PLCG2: variants seen among roughly 807,000 people sequenced by gnomAD.
The protein encoded by PLCG2 is 1-phosphatidylinositol 4,5-bisphosphate phosphodiesterase gamma-2.
In PLCG2, 69 loss-of-function variants were observed where a neutral mutation model predicts 175.6. The ratio of observed to expected loss-of-function variants is 0.39; its 90% CI spans 0.32 to 0.48. The LOEUF (loss-of-function observed/expected upper bound fraction) is 0.48, where lower values mean the gene tolerates loss of function less well. Ranked by LOEUF, PLCG2 falls within the 20% of genes least tolerant of loss-of-function variation. The probability of loss-of-function intolerance (pLI) is 0.91; values close to 1 mark genes in which losing one functional copy is unlikely to be tolerated. For synonymous variants in PLCG2, 827 were observed against 624.0 expected, an observed-to-expected ratio of 1.33 and a Z score of -4.85; for missense variants, 1,798 against 1,650.9, an observed-to-expected ratio of 1.09 and a Z score of -1.54.
At chr16:81,760,757 A>ATAAT (rs1555562065) in intron 2 of PLCG2, among the ~76,000 whole-genome samples, 1 of 146,344 alleles carries the variant, frequency 6.8e-6, no homozygotes, top group East Asian at 2.0e-4. Flanking sequence ...TTAAAAAAAA[A>ATAAT]AATAATAATA....
At chr16:81,907,843 A>T in intron 16 of PLCG2, 69 bp downstream of exon 16, 1 of 1,098,758 alleles carries the variant, frequency 9.1e-7, no homozygotes, top group Non-Finnish European at 1.4e-6. Flanking sequence ...AGTCCCCGGG[A>T]CCTCCTTCCC....
At chr16:81,924,537 T>C (rs1436634892) in intron 22 of PLCG2, among the ~76,000 whole-genome samples, 3 of 152,246 alleles carry the variant, frequency 2.0e-5, no homozygotes, top group African/African-American at 7.2e-5. Context: ...CAGGGCCACA[T>C]AGCAGGCTGA....
chr16:81,851,977 C>T (rs567156261), intron 2 of PLCG2: 1 of 149,552 alleles, frequency 6.7e-6, no homozygotes, highest in Non-Finnish European at 1.5e-5. Context: ...CGAACCTCTC[C>T]TGTGTTTCAC....
intron 25 of PLCG2, 30 bp from the exon 26 acceptor site, chr16:81,934,399 C>T (rs369948042): frequency 2.0e-5 from 27 of 1,358,424 alleles, no homozygotes; most frequent in South Asian, 5.9e-5. Context: ...TTCTCGGGGG[C>T]GGGCACTAAA....
At chr16:81,751,172 G>C (rs1178431993) in intron 1 of PLCG2, among the ~76,000 whole-genome samples, 1 of 151,088 alleles carries the variant, frequency 6.6e-6, no homozygotes, top group Non-Finnish European at 1.5e-5. Flanking sequence ...GTAGAGATGG[G>C]GTTTCACTAT....
At chr16:81,935,120 C>A (rs1910654058) in intron 26 of PLCG2, among the ~76,000 whole-genome samples, 1 of 152,158 alleles carries the variant, frequency 6.6e-6, no homozygotes, top group Non-Finnish European at 1.5e-5. Flanking sequence ...CTTGCACAGT[C>A]CTGGAGGCCA....
intron 22 of PLCG2, among the ~76,000 whole-genome samples, chr16:81,924,191 T>A (rs1169083468): frequency 1.3e-5 from 2 of 152,198 alleles, no homozygotes; most frequent in African/African-American, 4.8e-5. Flanking sequence ...AGAAGAAAAA[T>A]TCACTGCCCA....
chr16:81,749,301 A>C (rs1050508568), intron 1 of PLCG2, among the ~76,000 whole-genome samples: 1 of 152,166 alleles, frequency 6.6e-6, no homozygotes, highest in Non-Finnish European at 1.5e-5. Flanking sequence ...ATTTTTGTCA[A>C]ATTATATGCC....
At chr16:81,775,185 T>C (rs994024075), upstream of PLCG2, among the ~76,000 whole-genome samples, 1 of 152,196 alleles carries the variant, frequency 6.6e-6, no homozygotes, top group Non-Finnish European at 1.5e-5. Context: ...TAGAACATTC[T>C]TATCATCCCA....
At chr16:81,927,536 G>C (rs145549246) in intron 23 of PLCG2, among the ~76,000 whole-genome samples, 229 of 152,284 alleles carry the variant, frequency 1.5e-3, no homozygotes, top group African/African-American at 5.1e-3. Flanking sequence ...AACGTGCTTG[G>C]GGCGAGTAAG....
At chr16:81,788,707 C>T (rs1911093810) in intron 2 of PLCG2, among the ~76,000 whole-genome samples, 1 of 152,212 alleles carries the variant, frequency 6.6e-6, no homozygotes, top group Non-Finnish European at 1.5e-5. Context: ...TGAGTGTGAT[C>T]AAACTGCTTT....
chr16:81,949,276 G>A (rs1308497189), intron 31 of PLCG2, among the ~76,000 whole-genome samples: 1 of 152,168 alleles, frequency 6.6e-6, no homozygotes, highest in Non-Finnish European at 1.5e-5. Context: ...GCTTCTGAGG[G>A]CCCACTTGGT....
intron 2 of PLCG2, among the ~76,000 whole-genome samples, chr16:81,822,211 G>A (rs1040567483): frequency 6.6e-6 from 1 of 152,092 alleles, no homozygotes; most frequent in African/African-American, 2.4e-5. Flanking sequence ...CTGGGAAGAT[G>A]TTCCAAAACT....
upstream of PLCG2, among the ~76,000 whole-genome samples, chr16:81,774,587 C>T (rs1379081890): frequency 6.6e-6 from 1 of 151,904 alleles, no homozygotes; most frequent in Non-Finnish European, 1.5e-5. Context: ...TCAAGGGCTC[C>T]AGGGGGTTTT....
chr16:81,835,102 G>A (rs1185395415), intron 2 of PLCG2, among the ~76,000 whole-genome samples: 4 of 152,156 alleles, frequency 2.6e-5, no homozygotes, highest in Admixed American at 2.0e-4. Flanking sequence ...TTGGTTTGGT[G>A]TCAGCTCTGT....
chr16:81,781,942 G>T (rs1313559451), intron 1 of PLCG2, among the ~76,000 whole-genome samples: 1 of 149,834 alleles, frequency 6.7e-6, no homozygotes, highest in African/African-American at 2.5e-5. Flanking sequence ...CGCGATCTCG[G>T]CTCACTGCAA....
chr16:81,791,501 G>T (rs1190662559), intron 2 of PLCG2, among the ~76,000 whole-genome samples: 1 of 152,208 alleles, frequency 6.6e-6, no homozygotes, highest in Non-Finnish European at 1.5e-5. Flanking sequence ...GAAGGTTCCA[G>T]AATCTTCACT....
intron 7 of PLCG2, among the ~76,000 whole-genome samples, chr16:81,874,646 G>A (rs1031175972): frequency 3.9e-5 from 6 of 152,182 alleles, no homozygotes; most frequent in African/African-American, 1.4e-4. Flanking sequence ...AGCTATTTAT[G>A]GTGACTTATA....
intron 1 of PLCG2, among the ~76,000 whole-genome samples, chr16:81,745,936 G>A (rs1567691670): frequency 6.6e-6 from 1 of 152,216 alleles, no homozygotes; most frequent in African/African-American, 2.4e-5. Flanking sequence ...CTCTCTGTAG[G>A]GGCGAGACTA....
Sources: allele counts gnomAD v4.1 joint callset (sites outside exome capture counted in the v4.1 genomes callset), GRCh38; gene constraint gnomAD v4.1.1; transcripts MANE v1.5; gene names NCBI Gene and HGNC (gene_info 2026-07-23, HGNC 2026-07-21).